MBP: variants seen among roughly 807,000 people sequenced by gnomAD.
The protein encoded by MBP is myelin basic protein, also known as Golli-MBP.
Under a neutral mutation model 35.8 loss-of-function variants are expected in MBP, and 16 were observed. The observed-to-expected ratio is 0.45, with a 90% confidence interval of 0.30 to 0.68. MBP has a LOEUF of 0.68. MBP is among the 30% of genes least tolerant of loss of function. The pLI, the probability that MBP is intolerant of heterozygous loss-of-function variation, is 0.08. For missense variants in MBP, 380 were observed against 404.7 expected (o/e 0.94, Z 0.52); for synonymous variants, 143 against 159.6 (o/e 0.90, Z 0.78).
intron 3 of MBP, among the ~76,000 whole-genome samples, chr18:77,023,210 A>G (rs558102295): frequency 2.8e-4 from 42 of 152,320 alleles, no homozygotes; most frequent in African/African-American, 1.0e-3. Flanking sequence ...AATGCACAGC[A>G]GGACGCAGCT....
intron 2 of MBP, among the ~76,000 whole-genome samples, chr18:77,068,016 CGTGTGTGT>C (rs56090018): frequency 1.3e-5 from 2 of 149,624 alleles, no homozygotes; most frequent in African/African-American, 2.5e-5. Context: ...CCCTCCATCC[CGTGTGTGT>C]GTGTGTGTGT....
intron 4 of MBP, among the ~76,000 whole-genome samples, chr18:76,994,711 A>G (rs1305162927): frequency 6.6e-6 from 1 of 152,222 alleles, no homozygotes; most frequent in Non-Finnish European, 1.5e-5. Flanking sequence ...GGGGGTCAGA[A>G]ATGTCTATGA....
chr18:76,982,321 A>G (rs1969253835), intron 8 of MBP: 1 of 152,272 alleles, frequency 6.6e-6, no homozygotes. Flanking sequence ...TCAGGTCAGT[A>G]TAAGGCTGAA....
chr18:77,080,804 C>A (rs1005619195), intron 2 of MBP, among the ~76,000 whole-genome samples: 9 of 152,154 alleles, frequency 5.9e-5, no homozygotes, highest in African/African-American at 2.2e-4. Flanking sequence ...CTGCCTCAGC[C>A]TCCCGAGTAG....
intron 2 of MBP, among the ~76,000 whole-genome samples, chr18:77,073,756 T>C (rs1433063305): frequency 6.6e-6 from 1 of 152,066 alleles, no homozygotes; most frequent in African/African-American, 2.4e-5. Context: ...GAAGGTTATC[T>C]CCCAGCAACT....
In MBP at chr18:77,122,703, T is replaced by C. The variant is rs180864120; in HGVS notation, c.-26+9877A>G. Among the ~76,000 whole-genome samples the C allele has an allele frequency of 2.1e-3, 313 of 152,174 alleles. 1 individual carries two copies. Among genetic ancestry groups the C allele is most frequent in the African/African-American group, 6.8e-3 (282 of 41,528 alleles). On this transcript the variant is annotated intron_variant, in intron 1 of 8. Transcript: ENST00000355994. ...GATTACAGGCGCCCACCACCACGCCTGGCTAATTTTTGTATTTTCAGTAGA... is the reference window on the plus strand; with the variant it reads ...GATTACAGGCGCCCACCACCACGCCCGGCTAATTTTTGTATTTTCAGTAGA...
At chr18:77,088,319 C>G (rs1975350446) in intron 2 of MBP, among the ~76,000 whole-genome samples, 3 of 152,132 alleles carry the variant, frequency 2.0e-5, no homozygotes, top group Admixed American at 1.3e-4. Context: ...ACCCCCAGCC[C>G]CTTTAATGAG....
At chr18:77,076,353 G>T (rs1458217917) in intron 2 of MBP, among the ~76,000 whole-genome samples, 2 of 152,252 alleles carry the variant, frequency 1.3e-5, no homozygotes, top group Non-Finnish European at 2.9e-5. Context: ...CCCCACAGGG[G>T]AGTCCACCTG....
intron 2 of MBP, chr18:77,097,191 A>C (rs557153621): frequency 6.6e-6 from 1 of 152,380 alleles, no homozygotes; most frequent in East Asian, 1.9e-4. Context: ...CCTTTGGATA[A>C]TCGTTCAGGT....
intron 3 of MBP, among the ~76,000 whole-genome samples, chr18:77,027,797 C>T (rs1972280102): frequency 6.6e-6 from 1 of 152,160 alleles, no homozygotes; most frequent in Non-Finnish European, 1.5e-5. Context: ...AAGTGATCCT[C>T]CCACCTCAGC....
intron 4 of MBP, chr18:77,013,799 C>T (rs1971477055): frequency 1.0e-6 from 1 of 985,322 alleles, no homozygotes; most frequent in Non-Finnish European, 1.2e-6. Flanking sequence ...TGGGAACTAT[C>T]CAAGTGGCAC....
intron 8 of MBP, chr18:76,981,801 T>A (rs1266128136): frequency 6.6e-6 from 1 of 152,256 alleles, no homozygotes; most frequent in Non-Finnish European, 1.5e-5. Context: ...AACTTGAACA[T>A]CTCTGGCATT....
At chr18:77,111,007 G>C (rs1976432190) in intron 1 of MBP, among the ~76,000 whole-genome samples, 1 of 152,012 alleles carries the variant, frequency 6.6e-6, no homozygotes, top group African/African-American at 2.4e-5. Flanking sequence ...GCGGTGTACG[G>C]GACCTTAAAG....
intron 3 of MBP, among the ~76,000 whole-genome samples, chr18:77,033,814 A>C (rs1484706554): frequency 7.3e-6 from 1 of 136,698 alleles, no homozygotes; most frequent in African/African-American, 2.8e-5. Flanking sequence ...ACCCATCCAC[A>C]CACCCACCCA....
Position 76,990,077 on chromosome 18 carries a change from CG to C in MBP, c.577-18del, listed in dbSNP as rs1319411052. ...GTGTGAGTCCTGAAACACAGAGGCG[CG>C]GTGACCTCAGGACAAGTCCACAGTC... On this transcript the variant is annotated intron_variant, in intron 4 of 8. Transcript: ENST00000355994. The C allele has an allele frequency of 1.3e-6, 2 of 1,577,304 alleles. No homozygotes were observed. Among genetic ancestry groups the C allele is most frequent in the East Asian group, 4.5e-5 (2 of 44,578 alleles).
chr18:77,013,289 G>C, intron 4 of MBP: 1 of 985,416 alleles, frequency 1.0e-6, no homozygotes, highest in Non-Finnish European at 1.2e-6. Flanking sequence ...ATTGAATTTG[G>C]TTCTGTGTGC....
intron 3 of MBP, among the ~76,000 whole-genome samples, chr18:77,061,236 T>C (rs2081293581): frequency 1.3e-5 from 2 of 152,214 alleles, no homozygotes; most frequent in South Asian, 4.1e-4. Flanking sequence ...AATCTCCACA[T>C]GTGCTATAAA....
intron 1 of MBP, chr18:77,115,317 G>T (rs1350691112): frequency 6.6e-6 from 1 of 152,230 alleles, no homozygotes; most frequent in Non-Finnish European, 1.5e-5. Flanking sequence ...TTGCCAGCAG[G>T]CACAATGGCT....
chr18:77,083,278 T>C (rs935685892), intron 2 of MBP, among the ~76,000 whole-genome samples: 1 of 152,178 alleles, frequency 6.6e-6, no homozygotes, highest in Non-Finnish European at 1.5e-5. Flanking sequence ...AGAGTGGTTA[T>C]TTGAATGGGT....
Sources: allele counts gnomAD v4.1 joint callset (sites outside exome capture counted in the v4.1 genomes callset), GRCh38; gene constraint gnomAD v4.1.1; transcripts MANE v1.5; gene names NCBI Gene and HGNC (gene_info 2026-07-23, HGNC 2026-07-21).